The following SF3B1 variants were observed in gnomAD, a reference collection of about 807,000 sequenced individuals.
SF3B1 encodes pre-mRNA processing 10.
SF3B1 carries 12 observed loss-of-function variants against 153.8 expected under a neutral mutation model. The ratio of observed to expected loss-of-function variants is 0.08; its 90% CI spans 0.05 to 0.13. The LOEUF (loss-of-function observed/expected upper bound fraction) is 0.13, where lower values mean the gene tolerates loss of function less well. Ranked by LOEUF, SF3B1 falls within the 10% of genes least tolerant of loss-of-function variation. The pLI, the probability that SF3B1 is intolerant of heterozygous loss-of-function variation, is 1.00. For missense variants in SF3B1, 513 were observed against 1,606.1 expected (o/e 0.32, Z 11.63); for synonymous variants, 498 against 525.2 (o/e 0.95, Z 0.71).
At chr2:197,395,995 G>C in intron 23 of SF3B1, 61 bp downstream of exon 23, 1 of 1,410,208 alleles carries the variant, frequency 7.1e-7, no homozygotes, top group Non-Finnish European at 9.7e-7. Context: ...ACTATTTCAC[G>C]ATGTTCTAAA....
At chr2:197,408,316 A>T in intron 8 of SF3B1, 53 bp downstream of exon 8, 1 of 1,547,594 alleles carries the variant, frequency 6.5e-7, no homozygotes, top group Non-Finnish European at 8.9e-7. Context: ...CAAAGGAAAA[A>T]ATTAAATAAT....
chr2:197,418,234 C>CAAAAAAAAAA (rs59644092), intron 5 of SF3B1, among the ~76,000 whole-genome samples: 1,583 of 36,344 alleles, frequency 0.044, 428 homozygotes, highest in Middle Eastern at 0.091. Flanking sequence ...AGACTGTGTC[C>CAAAAAAAAAA]AAAAAAAAAA....
At chr2:197,422,355 A>G (rs2106013188) in intron 2 of SF3B1, among the ~76,000 whole-genome samples, 2 of 152,056 alleles carry the variant, frequency 1.3e-5, no homozygotes, top group East Asian at 3.9e-4. Context: ...GAACTGAACA[A>G]TAAGAACACC....
At chr2:197,412,341 A>AATTTATTT (rs138215794) in intron 6 of SF3B1, among the ~76,000 whole-genome samples, 2,761 of 145,766 alleles carry the variant, frequency 0.019, 64 homozygotes, top group African/African-American at 0.054. Flanking sequence ...TCTCTGATTT[A>AATTTATTT]ATTTATTTAT....
Position 197,407,887 on chromosome 2 carries a change from G to A in SF3B1, c.1239+111C>T. The A allele has an allele frequency of 4.7e-6, 4 of 857,786 alleles. No individual in the cohort carries two copies. In the Admixed American group the frequency reaches 6.5e-5, roughly 14 times the overall value. 53.1% of individuals were successfully genotyped at this position (857,786 alleles called of 1,614,324 possible). A position where few individuals can be genotyped will look rare whatever the true frequency, so the allele number is the denominator to read the frequency against. ...ATACCTGGAAATAGCTAAGAGAATG[G>A]AATGACAATAGTAAATTTGGGCAAA... On this transcript the variant is annotated intron_variant, in intron 9 of 24. Transcript: ENST00000335508.
Position 197,414,924 on chromosome 2 carries a change from AG to A in SF3B1, c.666+1816del, listed in dbSNP as rs1415493306. Among the ~76,000 whole-genome samples the A allele has an allele frequency of 4.6e-5, 7 of 152,162 alleles. No homozygotes were observed. The East Asian group carries it at 1.4e-3, about 29-fold the overall frequency. ...GGGGTTGAGGTGGGAAGATCATTTGAGCCCAGGAGGTGGAGGCTGCAGTGAG... is the reference window on the plus strand; with the variant it reads ...GGGGTTGAGGTGGGAAGATCATTTGACCCAGGAGGTGGAGGCTGCAGTGAG... On this transcript the variant is annotated intron_variant, in intron 6 of 24. Coordinates refer to ENST00000335508, the MANE Select transcript of SF3B1 (RefSeq NM_012433.4).
rs775351918 is a variant in SF3B1 at position 197,421,108 on chromosome 2, G to A, written c.221C>T (p.Thr74Met). 7.4e-6 allele frequency: 12 copies of A among 1,612,634 alleles called. No individual in the cohort carries two copies. The highest frequency in any genetic ancestry group is 6.7e-5 in the African/African-American group (5 of 74,790). The change falls in exon 3 of 25, where the codon ACG becomes ATG. Residue 74 changes from threonine (T) to methionine (M), a missense_variant. Thr to Met is a moderately conservative substitution (Grantham distance 81). Coordinates refer to ENST00000335508, the MANE Select transcript of SF3B1 (RefSeq NM_012433.4). The stretch of plus-strand genomic sequence containing the variant: ...TGGCTTCTTCTGACCAAGCAAACTC[G>A]TAGATGATGAATAGTCATCGTCATC... ...EDDDDDYSSS[T>M]SLLGQKKPGY...
intron 23 of SF3B1, 164 bp from the exon 24 acceptor site, chr2:197,393,352 A>C: frequency 1.6e-6 from 1 of 617,060 alleles, no homozygotes; most frequent in Non-Finnish European, 2.9e-6. Context: ...CTAACATTTC[A>C]TATATCTAAT....
chr2:197,414,131 C>T (rs1446818373), intron 6 of SF3B1, among the ~76,000 whole-genome samples: 1 of 152,162 alleles, frequency 6.6e-6, no homozygotes, highest in African/African-American at 2.4e-5. Flanking sequence ...TTGAGCCAAA[C>T]AGACACAGGA....
intron 1 of SF3B1, among the ~76,000 whole-genome samples, chr2:197,427,892 G>A (rs2085360022): frequency 6.6e-6 from 1 of 152,016 alleles, no homozygotes. Flanking sequence ...GGTGGTGGGT[G>A]CCTGGAATCC....
intron 3 of SF3B1, 106 bp from the exon 4 acceptor site, chr2:197,420,648 CCTA>C (rs550519657): frequency 7.6e-6 from 5 of 654,798 alleles, no homozygotes; most frequent in Non-Finnish European, 1.3e-5. Context: ...TTAATACATG[CCTA>C]CTAATATTCT....
In SF3B1 at chr2:197,392,294, A is replaced by C. The variant is rs2084817730; in HGVS notation, c.*9T>G. On this transcript the variant is annotated 3_prime_UTR_variant, in exon 25 of 25. Transcript: ENST00000335508. ...TAGCTGTGCATTAAACACAAAATAA[A>C]CAATAAAATTATAAGATATAGTCAA... 3 of 1,061,770 alleles carry C rather than the reference A, an allele frequency of 2.8e-6. No individual in the cohort carries two copies. The highest frequency in any genetic ancestry group is 4.3e-6 in the Non-Finnish European group (3 of 691,120). The allele number at this position is 1,061,770 out of a possible 1,614,324, so 65.8% of individuals were successfully genotyped here. A position where few individuals can be genotyped will look rare whatever the true frequency, so the allele number is the denominator to read the frequency against.
chr2:197,406,880 G>A (rs1366508593), intron 9 of SF3B1, among the ~76,000 whole-genome samples: 3 of 152,098 alleles, frequency 2.0e-5, no homozygotes, highest in African/African-American at 7.2e-5. Context: ...TTGAGCCTAG[G>A]AGTTTGAGAC....
At chr2:197,394,627 C>T (rs115171667) in intron 23 of SF3B1, among the ~76,000 whole-genome samples, 3,261 of 152,232 alleles carry the variant, frequency 0.021, 50 homozygotes, top group Non-Finnish European at 0.036. Context: ...GTTTCCAGGC[C>T]GGGCACGGTG....
intron 1 of SF3B1, among the ~76,000 whole-genome samples, chr2:197,434,664 C>T (rs2085494200): frequency 1.3e-5 from 2 of 152,240 alleles, no homozygotes; most frequent in Admixed American, 1.3e-4. Context: ...CGCCCGCTTC[C>T]CCGATCCCTT....
At position 197,423,800 on chromosome 2, in the gene SF3B1, T is replaced by A. The variant is rs779833771; in HGVS notation, c.195+8A>T. The A allele has an allele frequency of 6.2e-7, 1 of 1,611,914 alleles. No homozygotes were observed. Among genetic ancestry groups the A allele is most frequent in the South Asian group, 1.1e-5 (1 of 90,278 alleles). On this transcript the variant is annotated splice_region_variant and intron_variant, in intron 2 of 24. Coordinates refer to ENST00000335508, the MANE Select transcript of SF3B1 (RefSeq NM_012433.4). ...ATAACTGCCTCTTGTACATAATTTG[T>A]AACTTACATCTTCAAGTTCAGTTGC...
chr2:197,408,160 G>A, intron 8 of SF3B1, 41 bp from the exon 9 acceptor site: 3 of 1,517,124 alleles, frequency 2.0e-6, no homozygotes, highest in Middle Eastern at 1.7e-4. Flanking sequence ...TATAGTACAA[G>A]ACTGTATTAT....
chr2:197,418,819 T>C lies in SF3B1; in HGVS notation c.416-231A>G, dbSNP rs1195243689. The C allele has an allele frequency of 4.6e-6, 7 of 1,507,018 alleles. No individual in the cohort carries two copies. The East Asian group carries it at 7.4e-5, about 16-fold the overall frequency. 93.4% of individuals were successfully genotyped at this position (1,507,018 alleles called of 1,614,324 possible). On this transcript the variant is annotated intron_variant, in intron 4 of 24. Coordinates refer to ENST00000335508, the MANE Select transcript of SF3B1 (RefSeq NM_012433.4). Reference sequence around the variant, plus strand: ...AGTTTAAAACAAATATTTTAATGCATATAAAAACAAAATGACAGCACAGTT... The same window carrying C: ...AGTTTAAAACAAATATTTTAATGCACATAAAAACAAAATGACAGCACAGTT...
At chr2:197,430,424 G>A (rs529269380) in intron 1 of SF3B1, among the ~76,000 whole-genome samples, 8 of 152,130 alleles carry the variant, frequency 5.3e-5, no homozygotes, top group Non-Finnish European at 1.2e-4. Flanking sequence ...ATGAGTATAT[G>A]AGGGGTTCAT....
Sources: gnomAD v4.1 joint callset for allele counts (sites outside exome capture counted in the v4.1 genomes callset) on GRCh38, gnomAD v4.1.1 for gene constraint, MANE v1.5 for transcripts, NCBI Gene and HGNC (gene_info 2026-07-23, HGNC 2026-07-21) for gene names.